Variants in RABGAP1L observed in about 807,000 individuals in gnomAD.
RABGAP1L encodes the protein rab GTPase-activating protein 1-like.
A neutral mutation model predicts 137.7 loss-of-function variants in RABGAP1L; 63 were observed. The ratio of observed to expected loss-of-function variants is 0.46; its 90% CI spans 0.37 to 0.56. RABGAP1L has a LOEUF of 0.56. RABGAP1L is among the 20% of genes least tolerant of loss of function. The pLI, the probability that RABGAP1L is intolerant of heterozygous loss-of-function variation, is 0.00. For missense variants in RABGAP1L, 1,095 were observed against 1,244.0 expected (o/e 0.88, Z 1.80); for synonymous variants, 431 against 433.7 (o/e 0.99, Z 0.08).
chr1:174,715,468 G>A (rs1572901909), intron 17 of RABGAP1L, among the ~76,000 whole-genome samples: 5 of 152,244 alleles, frequency 3.3e-5, no homozygotes, highest in African/African-American at 1.2e-4. Context: ...AATATTTGAG[G>A]ACAGAATACT....
At chr1:174,873,985 G>T (rs1652642706) in intron 19 of RABGAP1L, among the ~76,000 whole-genome samples, 1 of 152,052 alleles carries the variant, frequency 6.6e-6, no homozygotes, top group South Asian at 2.1e-4. Flanking sequence ...AGAATAGATG[G>T]TTTATTTGAC....
chr1:174,885,013 A>C (rs1006465281), intron 19 of RABGAP1L, among the ~76,000 whole-genome samples: 1 of 152,176 alleles, frequency 6.6e-6, no homozygotes, highest in Non-Finnish European at 1.5e-5. Flanking sequence ...GTCCAATCCT[A>C]CCTCACTTGC....
intron 13 of RABGAP1L, among the ~76,000 whole-genome samples, chr1:174,552,759 T>G (rs922545262): frequency 5.3e-5 from 8 of 152,130 alleles, no homozygotes; most frequent in Non-Finnish European, 1.0e-4. Context: ...GTTTGCTGAG[T>G]CAAATGGTAT....
chr1:174,368,566 T>C (rs1448924994), intron 11 of RABGAP1L, among the ~76,000 whole-genome samples: 1 of 152,210 alleles, frequency 6.6e-6, no homozygotes, highest in Admixed American at 6.5e-5. Flanking sequence ...TTCTATAACA[T>C]TTTTATTTTA....
intron 18 of RABGAP1L, among the ~76,000 whole-genome samples, chr1:174,763,012 A>G (rs936801653): frequency 6.6e-6 from 1 of 151,098 alleles, no homozygotes; most frequent in Non-Finnish European, 1.5e-5. Flanking sequence ...GCAGGCTTTC[A>G]CCATGTGGGC....
At chr1:174,428,372 T>G (rs779667056) in intron 13 of RABGAP1L, among the ~76,000 whole-genome samples, 30 of 152,124 alleles carry the variant, frequency 2.0e-4, no homozygotes, top group Non-Finnish European at 4.3e-4. Context: ...GCATAACAGT[T>G]AAGACATTTC....
intron 1 of RABGAP1L, among the ~76,000 whole-genome samples, chr1:174,194,681 C>G (rs571808962): frequency 1.3e-5 from 2 of 152,066 alleles, no homozygotes; most frequent in Non-Finnish European, 2.9e-5. Flanking sequence ...TGGGCCGGCA[C>G]GCCTTAGCCA....
At chr1:174,967,075 A>G (rs1669691857) in intron 20 of RABGAP1L, among the ~76,000 whole-genome samples, 2 of 152,158 alleles carry the variant, frequency 1.3e-5, no homozygotes, top group African/African-American at 4.8e-5. Flanking sequence ...TTATATTGTT[A>G]CAATGAGATT....
At chr1:174,748,402 G>C (rs968002266) in intron 17 of RABGAP1L, among the ~76,000 whole-genome samples, 44 of 152,094 alleles carry the variant, frequency 2.9e-4, no homozygotes, top group African/African-American at 1.0e-3. Flanking sequence ...ATTCTAGCCT[G>C]TTACTAAACA....
At chr1:174,312,870 C>A (rs1366078996) in intron 11 of RABGAP1L, among the ~76,000 whole-genome samples, 1 of 152,132 alleles carries the variant, frequency 6.6e-6, no homozygotes, top group Non-Finnish European at 1.5e-5. Flanking sequence ...TCTCCAATGT[C>A]TGTTTTTGGC....
intron 13 of RABGAP1L, among the ~76,000 whole-genome samples, chr1:174,517,512 A>G (rs1167372592): frequency 2.0e-5 from 3 of 152,204 alleles, no homozygotes; most frequent in Non-Finnish European, 2.9e-5. Flanking sequence ...TATAATTTCT[A>G]GAAAGGGAAG....
intron 19 of RABGAP1L, among the ~76,000 whole-genome samples, chr1:174,924,738 T>TA (rs1280343409): frequency 7.9e-5 from 12 of 152,170 alleles, no homozygotes; most frequent in African/African-American, 2.2e-4. Context: ...TGACCTTCCT[T>TA]AAGCCTGGAA....
intron 18 of RABGAP1L, among the ~76,000 whole-genome samples, chr1:174,758,956 T>C (rs1684992648): frequency 6.6e-6 from 1 of 152,206 alleles, no homozygotes; most frequent in Non-Finnish European, 1.5e-5. Context: ...CACCAAGTCC[T>C]GTGGATTCTA....
intron 14 of RABGAP1L, among the ~76,000 whole-genome samples, chr1:174,645,587 T>G (rs1488473249): frequency 6.6e-6 from 1 of 152,170 alleles, no homozygotes; most frequent in African/African-American, 2.4e-5. Flanking sequence ...CCATGGTGTA[T>G]ATGTGCCACA....
chr1:174,857,963 G>A (rs935100778), intron 19 of RABGAP1L, among the ~76,000 whole-genome samples: 4 of 152,078 alleles, frequency 2.6e-5, no homozygotes, highest in African/African-American at 7.2e-5. Flanking sequence ...AAGTTAATTT[G>A]GGGTGAAAAA....
chr1:174,664,916 T>C (rs1482488801), intron 14 of RABGAP1L, among the ~76,000 whole-genome samples: 1 of 151,986 alleles, frequency 6.6e-6, no homozygotes, highest in African/African-American at 2.4e-5. Context: ...TTTGTATTTT[T>C]AGTAGAGACA....
chr1:174,451,974 C>T (rs1655501872), intron 13 of RABGAP1L, among the ~76,000 whole-genome samples: 1 of 152,090 alleles, frequency 6.6e-6, no homozygotes, highest in African/African-American at 2.4e-5. Context: ...TTATCATAGG[C>T]TGAAAGAGGC....
rs893199355 is a variant in RABGAP1L, at chr1:174,466,789, C to T, written c.1710+72644C>T. 5.3e-5 allele frequency among the ~76,000 whole-genome samples: 8 copies of T among 152,030 alleles called. No individual in the cohort carries two copies. In the South Asian group the frequency reaches 1.2e-3, roughly 24 times the overall value. ...GCGAGAGAGCGAGACTTTATCCCCG[C>T]CCCCGAAAAAAGAGAGAGTGAAGCA... On this transcript the variant is annotated intron_variant, in intron 13 of 25. Coordinates refer to ENST00000681986, the MANE Select transcript of RABGAP1L (RefSeq NM_001366446.1).
intron 21 of RABGAP1L, among the ~76,000 whole-genome samples, chr1:174,973,425 T>G (rs112389636): frequency 0.012 from 1,758 of 149,994 alleles, 34 homozygotes; most frequent in African/African-American, 0.041. Flanking sequence ...AGCCCTGTAG[T>G]CCAGGCTGGA....
Sources: gnomAD v4.1 joint callset for allele counts (sites outside exome capture counted in the v4.1 genomes callset) on GRCh38, gnomAD v4.1.1 for gene constraint, MANE v1.5 for transcripts, NCBI Gene and HGNC (gene_info 2026-07-23, HGNC 2026-07-21) for gene names.